SLFN12L: variants seen among roughly 807,000 people sequenced by gnomAD.
SLFN12L encodes schlafen family member 12-like.
In SLFN12L, 34 loss-of-function variants were observed where a neutral mutation model predicts 34.8. The ratio of observed to expected loss-of-function variants is 0.98; its 90% CI spans 0.74 to 1.30. The LOEUF is 1.30. Ranked by LOEUF, SLFN12L falls within the 50% of genes most tolerant of loss-of-function variation. The probability of loss-of-function intolerance (pLI) is 0.00; values close to 1 mark genes in which losing one functional copy is unlikely to be tolerated. For synonymous variants in SLFN12L, 259 were observed against 247.5 expected, an observed-to-expected ratio of 1.05 and a Z score of -0.44; for missense variants, 703 against 696.2, an observed-to-expected ratio of 1.01 and a Z score of -0.11.
chr17:35,485,593 G>A (rs1413551113), intron 2 of SLFN12L, among the ~76,000 whole-genome samples: 1 of 152,008 alleles, frequency 6.6e-6, no homozygotes, highest in Non-Finnish European at 1.5e-5. Context: ...ATTTGCCCAG[G>A]GCAATGTCTA....
rs1248835166 is a variant in SLFN12L at position 35,468,286 on chromosome 17, G to A, written c.*6637C>T. ...GCACCAACCCTCCATACAAGCCATT[G>A]TTTTAATCAATCATGGCAAATGCTA... On this transcript the variant is annotated 3_prime_UTR_variant, in exon 5 of 5. Coordinates refer to ENST00000628453, the MANE Select transcript of SLFN12L (RefSeq NM_001363830.2). 6.6e-6 allele frequency among the ~76,000 whole-genome samples: 1 copy of A among 152,150 alleles called. No homozygotes were observed. The highest frequency in any genetic ancestry group is 1.5e-5 in the Non-Finnish European group (1 of 68,022).
At chr17:35,529,248 G>T (rs1045742281) in intron 1 of SLFN12L, among the ~76,000 whole-genome samples, 1 of 152,212 alleles carries the variant, frequency 6.6e-6, no homozygotes, top group Non-Finnish European at 1.5e-5. Flanking sequence ...CTGTTGATGG[G>T]AGTGTAAATT....
At chr17:35,534,265 G>C (rs2072438286) in intron 1 of SLFN12L, among the ~76,000 whole-genome samples, 1 of 152,196 alleles carries the variant, frequency 6.6e-6, no homozygotes, top group Non-Finnish European at 1.5e-5. Context: ...GGGAGGCTGA[G>C]GCAGGAGAAT....
chr17:35,508,591 G>GCC (rs941635807), intron 2 of SLFN12L, among the ~76,000 whole-genome samples: 5 of 152,064 alleles, frequency 3.3e-5, no homozygotes, highest in African/African-American at 1.2e-4. Flanking sequence ...CTCGTGATCT[G>GCC]CCCACCTTGG....
chr17:35,484,397 GC>G (rs1248592577), intron 2 of SLFN12L, among the ~76,000 whole-genome samples: 1 of 152,216 alleles, frequency 6.6e-6, no homozygotes, highest in Non-Finnish European at 1.5e-5. Flanking sequence ...AGAAGGAAAA[GC>G]TTTGGTTCAG....
chr17:35,480,752 G>A (rs995309527), intron 2 of SLFN12L, among the ~76,000 whole-genome samples: 4 of 151,912 alleles, frequency 2.6e-5, no homozygotes, highest in Admixed American at 1.3e-4. Flanking sequence ...GGCATTGATC[G>A]CAAGCAAAAC....
At chr17:35,502,330 T>C (rs892973931) in intron 2 of SLFN12L, among the ~76,000 whole-genome samples, 1 of 149,014 alleles carries the variant, frequency 6.7e-6, no homozygotes, top group Non-Finnish European at 1.5e-5. Context: ...TAGTGGCAAC[T>C]GCTTTGCTAA....
rs538807005 is a variant in SLFN12L at position 35,498,736 on chromosome 17, A to G, written c.87-18541T>C. 1.3e-4 allele frequency: 172 copies of G among 1,355,296 alleles called. No individual in the cohort carries two copies. The African/African-American group carries it at 2.3e-3, about 18-fold the overall frequency. 84.0% of individuals were successfully genotyped at this position (1,355,296 alleles called of 1,614,324 possible). On this transcript the variant is annotated intron_variant, in intron 2 of 4. Transcript: ENST00000628453. ...CATCTCCAAGAAGACAGCTACAACT[A>G]CCTTATCCACTACCTCCAAAGTGAC...
chr17:35,497,256 T>A (rs990528380), intron 2 of SLFN12L, among the ~76,000 whole-genome samples: 3 of 152,112 alleles, frequency 2.0e-5, no homozygotes, highest in Non-Finnish European at 4.4e-5. Flanking sequence ...CTGGGCGTGG[T>A]GGCACACACC....
intron 1 of SLFN12L, among the ~76,000 whole-genome samples, chr17:35,532,854 C>T (rs1189096794): frequency 6.6e-6 from 1 of 152,312 alleles, no homozygotes; most frequent in African/African-American, 2.4e-5. Context: ...AATCATTCCA[C>T]TGCACTCCAG....
Position 35,478,125 on chromosome 17 carries a change from A to G in SLFN12L, c.1226T>C (p.Leu409Pro), listed in dbSNP as rs1914119276. Reference protein sequence around the residue: ...TSSPVSQSYPLREYINFKIQP... With the variant: ...TSSPVSQSYPPREYINFKIQP... ...AATTTTGAAGTTAATATATTCACGA[A>G]GAGGATAACTCTGGGAGACAGGTGA... The change falls in exon 4 of 5, where the codon CTT becomes CCT. Residue 409 changes from leucine (L) to proline (P), a missense_variant. By Grantham distance (98) the Leu-to-Pro change is moderately conservative. Transcript: ENST00000628453. 6.5e-7 allele frequency: 1 copy of G among 1,545,536 alleles called. No individual in the cohort carries two copies. Among genetic ancestry groups the G allele is most frequent in the African/African-American group, 1.4e-5 (1 of 72,744 alleles).
intron 2 of SLFN12L, among the ~76,000 whole-genome samples, chr17:35,481,712 C>G (rs1353092155): frequency 6.6e-6 from 1 of 152,172 alleles, no homozygotes; most frequent in Non-Finnish European, 1.5e-5. Flanking sequence ...CCCAGCCCAG[C>G]TGTTTTTCTT....
In SLFN12L at chr17:35,464,691, T is replaced by C. The variant is rs1330423347; in HGVS notation, c.*10232A>G. ...TCATTGATGAGCATTTAGGTTAATA[T>C]AGACATAATGAATAGATTGTACATG... On this transcript the variant is annotated 3_prime_UTR_variant, in exon 5 of 5. Transcript: ENST00000628453. 7 of 152,148 alleles carry C rather than the reference T, an allele frequency of 4.6e-5. No individual in the cohort carries two copies. The highest frequency in any genetic ancestry group is 3.9e-4 in the Admixed American group (6 of 15,270). 9.4% of individuals were successfully genotyped at this position (152,148 alleles called of 1,614,324 possible). A position where few individuals can be genotyped will look rare whatever the true frequency, so the allele number is the denominator to read the frequency against.
rs8079653 is a variant in SLFN12L, at chr17:35,473,253, G to T, written c.*1670C>A. Among the ~76,000 whole-genome samples the T allele has an allele frequency of 1.3e-5, 2 of 152,064 alleles. No homozygotes were observed. Among genetic ancestry groups the T allele is most frequent in the South Asian group, 2.1e-4 (1 of 4,824 alleles). ...CAATTTTCAAAGGGAATGCTTCCAGGTTTTGCCCATTCAGTATGATATTGG... is the reference window on the plus strand; with the variant it reads ...CAATTTTCAAAGGGAATGCTTCCAGTTTTTGCCCATTCAGTATGATATTGG... On this transcript the variant is annotated 3_prime_UTR_variant, in exon 5 of 5. Transcript: ENST00000628453.
Position 35,470,957 on chromosome 17 carries a change from C to T in SLFN12L, c.*3966G>A, listed in dbSNP as rs1283341193. Among the ~76,000 whole-genome samples, 1 of 152,092 alleles carries T rather than the reference C, an allele frequency of 6.6e-6. No homozygotes were observed. The highest frequency in any genetic ancestry group is 1.5e-5 in the Non-Finnish European group (1 of 68,018). On this transcript the variant is annotated 3_prime_UTR_variant, in exon 5 of 5. Transcript: ENST00000628453. ...TTAGTTTGCTGAGGATGATGGCTTC[C>T]AGCTTCATCCATGTCCCTGCAAAGG...
intron 1 of SLFN12L, among the ~76,000 whole-genome samples, 170 bp from the exon 2 acceptor site, chr17:35,523,139 T>C (rs574247819): frequency 5.3e-5 from 8 of 152,244 alleles, no homozygotes; most frequent in Non-Finnish European, 1.0e-4. Flanking sequence ...TTGAAATATC[T>C]GGTAAATCTC....
Position 35,475,201 on chromosome 17 carries a change from T to C in SLFN12L, c.1561A>G (p.Lys521Glu). Residue 521 changes from lysine to glutamate, a missense_variant, in exon 5 of 5, where the codon AAA becomes GAA. Coordinates refer to ENST00000628453, the MANE Select transcript of SLFN12L (RefSeq NM_001363830.2). ...DYSTQTAQTL[K>E]QKLAKIGGYT... ...CCACCAATTTTTGCCAGCTTCTGTT[T>C]TAAAGTTTGGGCAGTTTGTGTAGAA... 6.2e-7 allele frequency: 1 copy of C among 1,614,188 alleles called. No individual in the cohort carries two copies. Among genetic ancestry groups the C allele is most frequent in the Non-Finnish European group, 8.5e-7 (1 of 1,180,028 alleles).
At chr17:35,534,129 C>A (rs1013830505) in intron 1 of SLFN12L, among the ~76,000 whole-genome samples, 2 of 151,876 alleles carry the variant, frequency 1.3e-5, no homozygotes, top group Non-Finnish European at 2.9e-5. Context: ...TTGGGAGGCC[C>A]TGGTGGGCAG....
chr17:35,518,594 A>G (rs185260339), intron 2 of SLFN12L, among the ~76,000 whole-genome samples: 2 of 152,188 alleles, frequency 1.3e-5, no homozygotes, highest in East Asian at 3.8e-4. Context: ...CAAACATGAA[A>G]AAAAGCTTAC....
Sources: allele counts gnomAD v4.1 joint callset (sites outside exome capture counted in the v4.1 genomes callset), GRCh38; gene constraint gnomAD v4.1.1; transcripts MANE v1.5; gene names NCBI Gene and HGNC (gene_info 2026-07-23, HGNC 2026-07-21).